The following MTM1 variants were observed in gnomAD, a reference collection of about 807,000 sequenced individuals.
The protein encoded by MTM1 is myotubularin 1, also known as myotubularin.
MTM1 carries 9 observed loss-of-function variants against 52.1 expected under a neutral mutation model. The ratio of observed to expected loss-of-function variants is 0.17; its 90% confidence interval spans 0.10 to 0.30. MTM1 has a LOEUF of 0.30. Among genes scored for constraint, MTM1 ranks in the 10% least tolerant of loss-of-function variants. MTM1 has a pLI of 1.00. For missense variants in MTM1, 277 were observed against 470.7 expected (o/e 0.59, Z 3.81); for synonymous variants, 136 against 163.8 (o/e 0.83, Z 1.29).
chrX:150,580,937 G>T lies in MTM1; in HGVS notation c.-10-11668G>T, dbSNP rs75834685. On this transcript the variant is annotated intron_variant, in intron 1 of 14. Coordinates refer to ENST00000370396, the MANE Select transcript of MTM1 (RefSeq NM_000252.3). ...AGCCCAACATTCTCAACAATCAAAA[G>T]ACCCTAGGCAGCGTTCCAAAAGCCC... Among the ~76,000 whole-genome samples the T allele has an allele frequency of 2.1e-3, 236 of 111,786 alleles. 4 individuals carry two copies. In the East Asian group the frequency reaches 0.059, roughly 28 times the overall value.
intron 1 of MTM1, among the ~76,000 whole-genome samples, chrX:150,591,359 C>T (rs890608171): frequency 8.9e-6 from 1 of 111,941 alleles, no homozygotes; most frequent in Non-Finnish European, 1.9e-5. Context: ...TTGTGAGTTC[C>T]AGTGTGCGCC....
chrX:150,641,648 C>T (rs191539297), intron 8 of MTM1, among the ~76,000 whole-genome samples: 40 of 111,362 alleles, frequency 3.6e-4, no homozygotes, highest in Non-Finnish European at 6.6e-4. Flanking sequence ...GAGCTCTCTA[C>T]GAGAGAGGGG....
chrX:150,563,650 C>G (rs1245068612), upstream of MTM1, among the ~76,000 whole-genome samples: 2 of 106,351 alleles, frequency 1.9e-5, no homozygotes, highest in African/African-American at 6.8e-5. Flanking sequence ...CTTTGGGAAG[C>G]TGTGGCAGGT....
chrX:150,667,853 C>T (rs1367926059), intron 14 of MTM1, among the ~76,000 whole-genome samples: 1 of 112,331 alleles, frequency 8.9e-6, no homozygotes, highest in African/African-American at 3.2e-5. Context: ...AGCTGATTCA[C>T]GCCTTGGCTG....
intron 5 of MTM1, 100 bp downstream of exon 5, chrX:150,614,799 C>T (rs2039352460): frequency 2.0e-6 from 1 of 506,540 alleles, no homozygotes; most frequent in African/African-American, 2.4e-5. Flanking sequence ...ATCAAAATCT[C>T]ATGTTCATCT....
intron 4 of MTM1, among the ~76,000 whole-genome samples, chrX:150,603,396 A>AGT (rs782164731): frequency 2.7e-5 from 3 of 111,630 alleles, no homozygotes; most frequent in Admixed American, 9.5e-5. Flanking sequence ...CTCCAGCTGC[A>AGT]GTGTGTGTGT....
chrX:150,607,097 C>T (rs1557412853), intron 4 of MTM1, among the ~76,000 whole-genome samples: 1 of 108,049 alleles, frequency 9.3e-6, no homozygotes, highest in East Asian at 2.9e-4. Flanking sequence ...AAGAGATTCT[C>T]CCGCCTCAGC....
chrX:150,563,552 A>T (rs1367985621), upstream of MTM1, among the ~76,000 whole-genome samples: 2 of 98,202 alleles, frequency 2.0e-5, no homozygotes, highest in Admixed American at 2.2e-4. Flanking sequence ...TGACCTCGTG[A>T]TCTGCTTGCC....
At position 150,596,544 on chromosome X, in the gene MTM1, G is replaced by A. The variant is rs868992080; in HGVS notation, c.110G>A (p.Arg37Gln). 8 of 1,207,582 alleles carry A rather than the reference G, an allele frequency of 6.6e-6. No individual in the cohort carries two copies. Among genetic ancestry groups the A allele is most frequent in the East Asian group, 3.0e-5 (1 of 33,745 alleles). The change falls in exon 3 of 15, where the codon CGA (arginine) becomes CAA (glutamine). Residue 37 changes from arginine to glutamine, a missense_variant. Physicochemically the swap from Arg to Gln is conservative, Grantham distance 43 (BLOSUM62 1). Around this residue, in one of 4 missense-constraint regions of MTM1, gnomAD observed 164 missense variants for 283.3 expected, o/e 0.58. Transcript: ENST00000370396. ...CGAGATCTCACTGAGGCTGTTCCTC[G>A]ACTTCCAGGAGAAACACTAATCACT... Reference protein sequence around the residue: ...VNRDLTEAVPRLPGETLITDK... With the variant: ...VNRDLTEAVPQLPGETLITDK...
At chrX:150,597,120 A>G (rs2038990505) in intron 3 of MTM1, 2 of 116,543 alleles carry the variant, frequency 1.7e-5, no homozygotes, top group African/African-American at 6.5e-5. Context: ...TTAAGAATAT[A>G]GAAGCATCTG....
At chrX:150,632,473 T>C (rs2039686588) in intron 6 of MTM1, among the ~76,000 whole-genome samples, 1 of 111,289 alleles carries the variant, frequency 9.0e-6, no homozygotes, top group African/African-American at 3.3e-5. Context: ...TATCTGAAGG[T>C]GAAGGGAGCC....
In MTM1 at chrX:150,582,784, A is replaced by C. The variant is rs781800917; in HGVS notation, c.-10-9821A>C. ...CTCCAGATGGCACATGGCCTAGCTG[A>C]CACCTTGATTTTGGACTTTGGGCCT... On this transcript the variant is annotated intron_variant, in intron 1 of 14. Transcript: ENST00000370396. Among the ~76,000 whole-genome samples, 7 of 109,383 alleles carry C rather than the reference A, an allele frequency of 6.4e-5. No individual in the cohort carries two copies. In the South Asian group the frequency reaches 2.7e-3, roughly 42 times the overall value. 95.0% of individuals were successfully genotyped at this position (109,383 alleles called of 115,157 possible).
intron 8 of MTM1, among the ~76,000 whole-genome samples, chrX:150,645,388 T>C (rs1448786141): frequency 8.9e-6 from 1 of 112,615 alleles, no homozygotes; most frequent in East Asian, 2.7e-4. Flanking sequence ...TAAAATAGGA[T>C]CAAGCTTTCA....
chrX:150,627,252 G>A (rs1403740184), intron 6 of MTM1, among the ~76,000 whole-genome samples: 1 of 111,697 alleles, frequency 9.0e-6, no homozygotes, highest in Non-Finnish European at 1.9e-5. Context: ...CTGCACCATC[G>A]TTTGACTGTC....
At chrX:150,563,501 G>A (rs781885092), upstream of MTM1, among the ~76,000 whole-genome samples, 57 of 105,015 alleles carry the variant, frequency 5.4e-4, 1 homozygote, top group African/African-American at 1.9e-3. Context: ...TTTTAGTAGA[G>A]ACGGGGTTTC....
intron 6 of MTM1, among the ~76,000 whole-genome samples, chrX:150,627,547 C>A (rs1345520984): frequency 9.0e-6 from 1 of 111,540 alleles, no homozygotes; most frequent in Non-Finnish European, 1.9e-5. Flanking sequence ...ATAATCTCTT[C>A]TTCTGTGCTC....
intron 1 of MTM1, among the ~76,000 whole-genome samples, chrX:150,586,295 T>TG (rs1328725512): frequency 1.8e-5 from 2 of 111,562 alleles, no homozygotes; most frequent in Non-Finnish European, 3.8e-5. Context: ...ACCGCTTACT[T>TG]GGGGGATCCT....
At chrX:150,671,342 C>A in intron 14 of MTM1, 86 bp from the exon 15 acceptor site, 1 of 1,030,402 alleles carries the variant, frequency 9.7e-7, no homozygotes, top group Non-Finnish European at 1.4e-6. Context: ...ATTTACAAAT[C>A]AGCAGTCACA....
intron 4 of MTM1, among the ~76,000 whole-genome samples, chrX:150,606,938 C>T: frequency 2.1e-5 from 1 of 48,237 alleles, no homozygotes. Flanking sequence ...CCTCCCTTCC[C>T]TTCCCTCCCC....
Sources: allele counts gnomAD v4.1 joint callset (sites outside exome capture counted in the v4.1 genomes callset), GRCh38; gene constraint gnomAD v4.1.1; regional missense constraint gnomAD v4.1.1; transcripts MANE v1.5; gene names NCBI Gene and HGNC (gene_info 2026-07-23, HGNC 2026-07-21).